The following ZNF385D variants were observed in gnomAD, a reference collection of about 807,000 sequenced individuals.
ZNF385D encodes the protein zinc finger protein 659.
Under a neutral mutation model 35.8 loss-of-function variants are expected in ZNF385D, and 15 were observed. That is an observed-to-expected ratio of 0.42 (90% CI 0.28 to 0.64). The LOEUF (loss-of-function observed/expected upper bound fraction) is 0.64, where lower values mean the gene tolerates loss of function less well. Among genes scored for constraint, ZNF385D ranks in the 30% least tolerant of loss-of-function variants. The pLI is 0.23. For missense variants in ZNF385D, 474 were observed against 494.6 expected, an observed-to-expected ratio of 0.96 and a Z score of 0.39; for synonymous variants, 212 against 186.8, an observed-to-expected ratio of 1.13 and a Z score of -1.10.
chr3:21,965,468 A>G (rs1576027498), intron 3 of ZNF385D, among the ~76,000 whole-genome samples: 1 of 150,772 alleles, frequency 6.6e-6, no homozygotes, highest in Non-Finnish European at 1.5e-5. Flanking sequence ...AAAATCTAAT[A>G]TCAGAAAAAA....
intron 3 of ZNF385D, among the ~76,000 whole-genome samples, chr3:22,106,593 C>A (rs751578547): frequency 2.0e-5 from 3 of 152,112 alleles, no homozygotes; most frequent in Non-Finnish European, 4.4e-5. Context: ...CTCTCTCTCA[C>A]CAGTCCCTGC....
intron 3 of ZNF385D, among the ~76,000 whole-genome samples, chr3:21,788,678 C>CG (rs1175469073): frequency 6.6e-6 from 1 of 152,068 alleles, no homozygotes; most frequent in Admixed American, 6.5e-5. Context: ...ATTTTTGATT[C>CG]GGGGGCATAT....
At chr3:21,811,670 T>C (rs1255336433) in intron 3 of ZNF385D, among the ~76,000 whole-genome samples, 1 of 152,126 alleles carries the variant, frequency 6.6e-6, no homozygotes, top group African/African-American at 2.4e-5. Context: ...ACTGTATAGT[T>C]TACAAAAACT....
At chr3:22,118,996 C>T (rs917207154) in intron 3 of ZNF385D, among the ~76,000 whole-genome samples, 1 of 151,986 alleles carries the variant, frequency 6.6e-6, no homozygotes, top group South Asian at 2.1e-4. Context: ...CTATCACCTG[C>T]TATTGTACTG....
intron 2 of ZNF385D, among the ~76,000 whole-genome samples, chr3:22,197,075 A>T (rs1235606860): frequency 6.6e-6 from 1 of 152,024 alleles, no homozygotes; most frequent in Non-Finnish European, 1.5e-5. Flanking sequence ...GTCAGCTTTC[A>T]CATAATTTTT....
intron 1 of ZNF385D, among the ~76,000 whole-genome samples, chr3:21,701,699 C>T (rs970276384): frequency 2.0e-5 from 3 of 152,096 alleles, no homozygotes; most frequent in Non-Finnish European, 1.5e-5. Flanking sequence ...CTAGTTACTT[C>T]CTAGATACAA....
At chr3:21,960,203 T>TACACACACACACACAC (rs61528907) in intron 3 of ZNF385D, among the ~76,000 whole-genome samples, 22,249 of 149,180 alleles carry the variant, frequency 0.15, 1,789 homozygotes, top group Middle Eastern at 0.16. Context: ...TAAACAGCAA[T>TACACACACACACACAC]ACACACACAC....
intron 2 of ZNF385D, among the ~76,000 whole-genome samples, chr3:22,218,590 C>G (rs1160243289): frequency 1.3e-5 from 2 of 152,094 alleles, no homozygotes; most frequent in African/African-American, 4.8e-5. Context: ...CACAGACCAA[C>G]TCCTTCAGCA....
chr3:21,717,993 C>T (rs62239384), intron 1 of ZNF385D, among the ~76,000 whole-genome samples: 26,044 of 152,164 alleles, frequency 0.17, 2,674 homozygotes, highest in Admixed American at 0.3. Context: ...AGTTGCATCT[C>T]AAAGTTTCAA....
intron 3 of ZNF385D, among the ~76,000 whole-genome samples, chr3:22,151,189 C>G (rs1705209061): frequency 6.6e-6 from 1 of 152,110 alleles, no homozygotes; most frequent in Non-Finnish European, 1.5e-5. Flanking sequence ...AGGGGCACCC[C>G]TGGAGTGCAT....
intron 2 of ZNF385D, among the ~76,000 whole-genome samples, chr3:22,364,700 A>G (rs916736874): frequency 2.6e-5 from 4 of 152,124 alleles, no homozygotes; most frequent in African/African-American, 9.6e-5. Context: ...TCCTCTAAGT[A>G]TTAGAAGTAT....
chr3:21,461,063 C>T (rs997697929), intron 4 of ZNF385D, among the ~76,000 whole-genome samples: 88 of 152,218 alleles, frequency 5.8e-4, no homozygotes, highest in African/African-American at 2.1e-3. Context: ...CACATAAAGT[C>T]ACATGCTCTG....
At chr3:21,854,624 G>C (rs1480391661) in intron 3 of ZNF385D, among the ~76,000 whole-genome samples, 8 of 151,852 alleles carry the variant, frequency 5.3e-5, no homozygotes, top group African/African-American at 1.9e-4. Context: ...ACCTGTAGCA[G>C]CATCTTTTTG....
chr3:22,266,577 GC>G (rs2125354124), intron 2 of ZNF385D, among the ~76,000 whole-genome samples: 1 of 151,970 alleles, frequency 6.6e-6, no homozygotes, highest in East Asian at 1.9e-4. Context: ...AAGGAGACAG[GC>G]CAATGTAAGA....
At chr3:21,887,523 AATT>A (rs1335088666) in intron 3 of ZNF385D, among the ~76,000 whole-genome samples, 2 of 152,162 alleles carry the variant, frequency 1.3e-5, no homozygotes, top group African/African-American at 4.8e-5. Context: ...ACATTTTAAA[AATT>A]ATTATATGTC....
At chr3:22,210,339 T>C (rs922553811) in intron 2 of ZNF385D, among the ~76,000 whole-genome samples, 2 of 151,846 alleles carry the variant, frequency 1.3e-5, no homozygotes, top group African/African-American at 2.4e-5. Flanking sequence ...ATTTGAATGG[T>C]GGTTCTATAC....
intron 1 of ZNF385D, among the ~76,000 whole-genome samples, chr3:21,687,265 A>G (rs1453141447): frequency 3.3e-5 from 5 of 152,228 alleles, no homozygotes; most frequent in Admixed American, 6.5e-5. Context: ...AGCCAGATAA[A>G]ATAGGCAGAG....
At chr3:22,011,091 A>C (rs960097576) in intron 3 of ZNF385D, among the ~76,000 whole-genome samples, 1 of 152,120 alleles carries the variant, frequency 6.6e-6, no homozygotes, top group African/African-American at 2.4e-5. Context: ...ATCATCCCCA[A>C]ATTGTTTCCA....
chr3:22,248,044 T>C (rs939064417), intron 2 of ZNF385D, among the ~76,000 whole-genome samples: 1 of 152,152 alleles, frequency 6.6e-6, no homozygotes, highest in Non-Finnish European at 1.5e-5. Context: ...AACAAAACAA[T>C]GACAACACTA....
Sources: gnomAD v4.1 joint callset for allele counts (sites outside exome capture counted in the v4.1 genomes callset) on GRCh38, gnomAD v4.1.1 for gene constraint, MANE v1.5 for transcripts, NCBI Gene and HGNC (gene_info 2026-07-23, HGNC 2026-07-21) for gene names.